AASDH: variants seen among roughly 807,000 people sequenced by gnomAD.
AASDH encodes the protein beta-alanine-activating enzyme.
In AASDH, 81 loss-of-function variants were observed where a neutral mutation model predicts 102.3. That is an observed-to-expected ratio of 0.79 (90% CI 0.66 to 0.95). AASDH has a LOEUF of 0.95. AASDH is among the 40% of genes least tolerant of loss of function. The pLI is 0.00. For synonymous variants in AASDH, 398 were observed against 454.0 expected (o/e 0.88, Z 1.57); for missense variants, 1,203 against 1,266.2 (o/e 0.95, Z 0.76).
chr4:56,351,536 T>C (rs1748997190), intron 9 of AASDH, 79 bp from the exon 10 acceptor site: 4 of 769,772 alleles, frequency 5.2e-6, no homozygotes, highest in Non-Finnish European at 8.5e-6. Context: ...TCATTAGCCA[T>C]ATACATTTTT....
chr4:56,345,831 T>C (rs1262688690), intron 11 of AASDH, among the ~76,000 whole-genome samples: 1 of 152,266 alleles, frequency 6.6e-6, no homozygotes, highest in Non-Finnish European at 1.5e-5. Context: ...ATTCTAAGTA[T>C]GTTACATCTA....
chr4:56,344,113 T>C (rs1748047323), intron 12 of AASDH, among the ~76,000 whole-genome samples: 1 of 152,206 alleles, frequency 6.6e-6, no homozygotes, highest in Non-Finnish European at 1.5e-5. Flanking sequence ...TGAACGTTTT[T>C]TGGAATTTCT....
At chr4:56,364,904 G>A (rs1481898004) in intron 5 of AASDH, among the ~76,000 whole-genome samples, 1 of 152,114 alleles carries the variant, frequency 6.6e-6, no homozygotes, top group Non-Finnish European at 1.5e-5. Context: ...AAATGCTCCA[G>A]TTAAAAGACA....
chr4:56,355,228 C>T lies in AASDH; in HGVS notation c.1057G>A (p.Ala353Thr). Residue 353 changes from alanine to threonine, a missense_variant, in exon 6 of 15, where the codon GCG becomes ACG. By Grantham distance (58) the Ala-to-Thr change is moderately conservative. Transcript: ENST00000205214. ...TTCTCTGGAATCCTATAAATGGTCG[C>T]CCAACTTGATACCTCTGTGATACCA... ...VYGITEVSSW[A>T]TIYRIPEKTL... 1 of 1,614,044 alleles carries T rather than the reference C, an allele frequency of 6.2e-7. No individual in the cohort carries two copies. Among genetic ancestry groups the T allele is most frequent in the Non-Finnish European group, 8.5e-7 (1 of 1,180,002 alleles).
chr4:56,368,728 G>A (rs930264492), intron 5 of AASDH, among the ~76,000 whole-genome samples: 1 of 115,412 alleles, frequency 8.7e-6, no homozygotes, highest in Non-Finnish European at 1.7e-5. Context: ...GTGGGGTGGG[G>A]GGAGGGGGGA....
intron 5 of AASDH, among the ~76,000 whole-genome samples, chr4:56,359,646 C>A (rs938527914): frequency 2.7e-5 from 4 of 150,570 alleles, no homozygotes; most frequent in African/African-American, 9.8e-5. Context: ...GCAATCGCCA[C>A]CCCCCAGGTT....
At chr4:56,368,076 C>G (rs1276189878) in intron 5 of AASDH, among the ~76,000 whole-genome samples, 1 of 152,178 alleles carries the variant, frequency 6.6e-6, no homozygotes, top group Non-Finnish European at 1.5e-5. Context: ...ACAGACACTT[C>G]TCAAAAGAAG....
At chr4:56,356,812 G>A in intron 5 of AASDH, 1 of 769,338 alleles carries the variant, frequency 1.3e-6, no homozygotes, top group Non-Finnish European at 2.3e-6. Flanking sequence ...CAATTACAAT[G>A]ACAGATACGA....
At chr4:56,386,822 A>AAAAAT (rs58244004) in intron 1 of AASDH, among the ~76,000 whole-genome samples, 10 of 144,960 alleles carry the variant, frequency 6.9e-5, no homozygotes, top group African/African-American at 2.5e-4. Context: ...AAAAAAAAAA[A>AAAAAT]GGAAAAAAAA....
intron 5 of AASDH, 111 bp downstream of exon 5, chr4:56,371,340 A>G: frequency 1.8e-6 from 2 of 1,131,248 alleles, no homozygotes; most frequent in Non-Finnish European, 2.5e-6. Context: ...TGATAATCTA[A>G]CCAGATTATA....
chr4:56,341,144 C>CCTA (rs754640530), intron 14 of AASDH, among the ~76,000 whole-genome samples: 2 of 152,088 alleles, frequency 1.3e-5, no homozygotes, highest in Non-Finnish European at 2.9e-5. Flanking sequence ...ATCCAACAGT[C>CCTA]CTACTACTAT....
chr4:56,373,568 T>A (rs576927938), intron 4 of AASDH, among the ~76,000 whole-genome samples: 1 of 152,270 alleles, frequency 6.6e-6, no homozygotes, highest in South Asian at 2.1e-4. Flanking sequence ...CTGAAGTCCT[T>A]CCAATGTCCT....
intron 9 of AASDH, among the ~76,000 whole-genome samples, 181 bp from the exon 10 acceptor site, chr4:56,351,638 A>T (rs1023527815): frequency 1.3e-5 from 2 of 152,202 alleles, no homozygotes; most frequent in Admixed American, 1.3e-4. Context: ...ACAGAGAAAT[A>T]GATGAGAAAC....
At chr4:56,380,004 T>C (rs182684459) in intron 3 of AASDH, among the ~76,000 whole-genome samples, 3 of 152,294 alleles carry the variant, frequency 2.0e-5, no homozygotes, top group East Asian at 3.9e-4. Context: ...GGCAATAGCA[T>C]AGATTAGACT....
intron 5 of AASDH, among the ~76,000 whole-genome samples, chr4:56,365,728 A>T (rs1208766915): frequency 6.6e-6 from 1 of 152,218 alleles, no homozygotes; most frequent in East Asian, 1.9e-4. Context: ...CAGTGTGTAG[A>T]GGGAAATTTA....
chr4:56,365,887 A>G (rs1750933739), intron 5 of AASDH, among the ~76,000 whole-genome samples: 1 of 152,174 alleles, frequency 6.6e-6, no homozygotes, highest in Non-Finnish European at 1.5e-5. Flanking sequence ...AACTGAAGGA[A>G]ATAGAGACAC....
At position 56,378,420 on chromosome 4, in the gene AASDH, A is replaced by C. The variant is rs756192086; in HGVS notation, c.396T>G (p.Phe132Leu). 1 of 1,611,628 alleles carries C rather than the reference A, an allele frequency of 6.2e-7. No individual in the cohort carries two copies. The highest frequency in any genetic ancestry group is 1.1e-5 in the South Asian group (1 of 90,338). ...GCACTAGGTCATTATGTTCCACTGT[A>C]AATGTATCATAGTTCAATAATGTTT... ...FHETLLNYDT[F>L]TVEHNDLVLF... Residue 132 changes from phenylalanine to leucine, a missense_variant, in exon 4 of 15, where the codon TTT becomes TTG. Phe to Leu is a conservative substitution (Grantham distance 22). Transcript: ENST00000205214.
chr4:56,351,499 A>C, intron 9 of AASDH, 42 bp from the exon 10 acceptor site: 1 of 1,140,702 alleles, frequency 8.8e-7, no homozygotes, highest in Non-Finnish European at 1.3e-6. Context: ...AAAACATTTT[A>C]AAATTTCACT....
intron 8 of AASDH, 135 bp downstream of exon 8, chr4:56,353,904 T>C: frequency 2.6e-6 from 2 of 782,768 alleles, no homozygotes; most frequent in Non-Finnish European, 1.9e-6. Flanking sequence ...GAATTATTCA[T>C]ACCCTTTATT....
Sources: gnomAD v4.1 joint callset for allele counts (sites outside exome capture counted in the v4.1 genomes callset) on GRCh38, gnomAD v4.1.1 for gene constraint, MANE v1.5 for transcripts, NCBI Gene and HGNC (gene_info 2026-07-23, HGNC 2026-07-21) for gene names.